Variants in CCDC3 observed in about 807,000 individuals in gnomAD.
The protein encoded by CCDC3 is coiled-coil domain-containing protein 3.
A neutral mutation model predicts 21.4 loss-of-function variants in CCDC3; 24 were observed. The observed-to-expected ratio is 1.12, with a 90% CI of 0.81 to 1.58. The LOEUF is 1.58. Among genes scored for constraint, CCDC3 ranks in the 40% most tolerant of loss-of-function variants. The pLI, the probability that CCDC3 is intolerant of heterozygous loss-of-function variation, is 0.00. For synonymous variants in CCDC3, 186 were observed against 166.0 expected (o/e 1.12, Z -0.93); for missense variants, 425 against 360.9 (o/e 1.18, Z -1.44).
chr10:12,917,502 G>T (rs1362070025), intron 2 of CCDC3, among the ~76,000 whole-genome samples: 2 of 151,936 alleles, frequency 1.3e-5, no homozygotes, highest in Admixed American at 6.6e-5. Context: ...GGCCAGAAAT[G>T]TCCTTATTTC....
chr10:12,926,141 G>C (rs1564286535), intron 2 of CCDC3, among the ~76,000 whole-genome samples: 2 of 152,260 alleles, frequency 1.3e-5, no homozygotes, highest in African/African-American at 4.8e-5. Context: ...CAAGTGGATA[G>C]TCAGGAGCAG....
At chr10:13,008,108 G>C (rs542467384) in intron 5 of CCDC3, among the ~76,000 whole-genome samples, 56 of 152,164 alleles carry the variant, frequency 3.7e-4, no homozygotes, top group African/African-American at 1.3e-3. Context: ...CCCATGACAG[G>C]GTACCCTGTT....
chr10:13,091,026 T>A (rs977525706), intron 3 of CCDC3, among the ~76,000 whole-genome samples: 1 of 152,174 alleles, frequency 6.6e-6, no homozygotes, highest in African/African-American at 2.4e-5. Context: ...TGGAGTCTGA[T>A]GTTCAAGGGC....
chr10:12,976,773 T>C (rs1342834952), intron 2 of CCDC3, among the ~76,000 whole-genome samples: 2 of 152,192 alleles, frequency 1.3e-5, no homozygotes, highest in African/African-American at 2.4e-5. Flanking sequence ...GATACTACAG[T>C]GGTGGGTACC....
At chr10:13,049,738 AGAAG>A (rs1836578718) in exon 5 of CCDC3, 1 of 152,206 alleles carries the variant, frequency 6.6e-6, no homozygotes, top group African/African-American at 2.4e-5. Flanking sequence ...CAGGTCACAG[AGAAG>A]GCTGCCCAGA....
intron 2 of CCDC3, among the ~76,000 whole-genome samples, chr10:12,961,390 C>T (rs1835176845): frequency 6.6e-6 from 1 of 152,192 alleles, no homozygotes; most frequent in African/African-American, 2.4e-5. Context: ...TGAAGACCAA[C>T]ATCTCCTTTA....
chr10:12,912,263 C>G (rs1387059765), intron 2 of CCDC3, among the ~76,000 whole-genome samples: 1 of 152,188 alleles, frequency 6.6e-6, no homozygotes, highest in African/African-American at 2.4e-5. Context: ...CAAGGGTTCC[C>G]TTTACTCCAC....
chr10:13,019,076 AC>A (rs1239112426), intron 5 of CCDC3, among the ~76,000 whole-genome samples: 4 of 152,010 alleles, frequency 2.6e-5, no homozygotes, highest in African/African-American at 9.7e-5. Flanking sequence ...TACTAAAAAT[AC>A]AAAAAAATTA....
At chr10:13,082,720 G>A (rs929620909) in intron 3 of CCDC3, among the ~76,000 whole-genome samples, 1 of 152,204 alleles carries the variant, frequency 6.6e-6, no homozygotes, top group African/African-American at 2.4e-5. Context: ...GAGCCCTCTA[G>A]TGGCCCTATC....
chr10:13,089,313 T>TAA (rs35720311), intron 3 of CCDC3, among the ~76,000 whole-genome samples: 30,889 of 152,132 alleles, frequency 0.2, 3,653 homozygotes, highest in East Asian at 0.31. Context: ...CATTTCTTTA[T>TAA]GTTTAACACT....
At chr10:12,948,894 G>A (rs939892705) in intron 2 of CCDC3, among the ~76,000 whole-genome samples, 2 of 83,452 alleles carry the variant, frequency 2.4e-5, no homozygotes, top group Non-Finnish European at 3.4e-5. Context: ...ACCATGCCCG[G>A]CTAATTTTTT....
chr10:13,040,163 G>A (rs1006394236), intron 5 of CCDC3, among the ~76,000 whole-genome samples: 5 of 152,100 alleles, frequency 3.3e-5, no homozygotes, highest in African/African-American at 1.2e-4. Flanking sequence ...CTCAGAAGCT[G>A]GGGCGAACAC....
At chr10:12,939,648 ACCCTGGG>A (rs1564291421) in intron 2 of CCDC3, among the ~76,000 whole-genome samples, 153 of 5,812 alleles carry the variant, frequency 0.026, no homozygotes, top group African/African-American at 0.07. Flanking sequence ...CAGATGAGAT[ACCCTGGG>A]AAAGCGGATC....
intron 2 of CCDC3, among the ~76,000 whole-genome samples, chr10:12,968,119 A>T (rs943124466): frequency 6.6e-6 from 1 of 151,832 alleles, no homozygotes; most frequent in African/African-American, 2.4e-5. Flanking sequence ...CAGGCAGCCA[A>T]GATCACACCA....
chr10:12,932,233 A>C (rs759244313), intron 2 of CCDC3, among the ~76,000 whole-genome samples: 1 of 152,194 alleles, frequency 6.6e-6, no homozygotes, highest in Non-Finnish European at 1.5e-5. Context: ...CCTTGTAAGT[A>C]ATGTTTCTTG....
In CCDC3 at chr10:13,024,894, C is replaced by T. The variant is rs192513449; in HGVS notation, c.-2+24780G>A. On this transcript the variant is annotated intron_variant, in intron 5 of 6. Coordinates refer to the CCDC3 transcript ENST00000378839. ...TCCTCCGGCTTCCCATAGGAATCTC[C>T]TCATTGCCCTTCTAGCCCCCACTAA... Among the ~76,000 whole-genome samples, 13 of 152,270 alleles carry T rather than the reference C, an allele frequency of 8.5e-5. No individual in the cohort carries two copies. The East Asian group carries it at 2.1e-3, about 25-fold the overall frequency.
chr10:13,064,482 C>CAGG (rs1286362311), intron 4 of CCDC3, among the ~76,000 whole-genome samples: 1 of 152,154 alleles, frequency 6.6e-6, no homozygotes, highest in Non-Finnish European at 1.5e-5. Flanking sequence ...GACACAGCCT[C>CAGG]AGGAGATCCT....
chr10:13,046,324 T>A (rs533246557), intron 5 of CCDC3, among the ~76,000 whole-genome samples: 1 of 151,754 alleles, frequency 6.6e-6, no homozygotes, highest in African/African-American at 2.4e-5. Context: ...GAGCATCCCT[T>A]GAGCCCAGGA....
intron 2 of CCDC3, among the ~76,000 whole-genome samples, chr10:12,951,247 G>A (rs981787524): frequency 3.3e-5 from 5 of 152,122 alleles, no homozygotes; most frequent in East Asian, 3.9e-4. Context: ...ATGGTGGTGT[G>A]CACCTGTAGT....
Sources: allele counts gnomAD v4.1 joint callset (sites outside exome capture counted in the v4.1 genomes callset), GRCh38; gene constraint gnomAD v4.1.1; transcripts MANE v1.5; gene names NCBI Gene and HGNC (gene_info 2026-07-23, HGNC 2026-07-21).